Variants in ABCC1 observed in about 807,000 individuals in gnomAD.
ABCC1 encodes multidrug resistance-associated protein 1.
Under a neutral mutation model 172.9 loss-of-function variants are expected in ABCC1, and 83 were observed. That is an observed-to-expected ratio of 0.48 (90% confidence interval 0.40 to 0.58). The LOEUF (loss-of-function observed/expected upper bound fraction) is 0.58, where lower values mean the gene tolerates loss of function less well. ABCC1 is among the 20% of genes least tolerant of loss of function. ABCC1 has a pLI of 0.00. For synonymous variants in ABCC1, 937 were observed against 825.2 expected (o/e 1.14, Z -2.32); for missense variants, 1,817 against 2,002.7 (o/e 0.91, Z 1.77).
intron 1 of ABCC1, among the ~76,000 whole-genome samples, chr16:15,998,514 C>T (rs866352572): frequency 6.6e-6 from 1 of 152,094 alleles, no homozygotes; most frequent in Non-Finnish European, 1.5e-5. Context: ...GCAGGGGTGA[C>T]CCGTGTTGGC....
chr16:16,016,688 C>T (rs1484328172), intron 5 of ABCC1, 67 bp downstream of exon 5: 16 of 1,591,778 alleles, frequency 1.0e-5, no homozygotes, highest in African/African-American at 1.3e-5. Flanking sequence ...ACAGTACCAG[C>T]TAACATTTCT....
chr16:16,112,582 A>G (rs1049024292), intron 22 of ABCC1, among the ~76,000 whole-genome samples: 1 of 152,192 alleles, frequency 6.6e-6, no homozygotes, highest in Non-Finnish European at 1.5e-5. Flanking sequence ...TTGGAGATAC[A>G]GAAACTGAGG....
intron 1 of ABCC1, among the ~76,000 whole-genome samples, chr16:15,963,247 G>C (rs1016375719): frequency 1.3e-5 from 2 of 152,244 alleles, no homozygotes; most frequent in Admixed American, 1.3e-4. Flanking sequence ...GCCTTGGGCA[G>C]CTCTGCCCCT....
intron 1 of ABCC1, among the ~76,000 whole-genome samples, chr16:15,974,182 G>C (rs555236263): frequency 6.6e-6 from 1 of 152,156 alleles, no homozygotes; most frequent in Non-Finnish European, 1.5e-5. Context: ...GCCTCTTGGT[G>C]ACCACATGCT....
chr16:15,984,664 T>C (rs1277310149), intron 1 of ABCC1, among the ~76,000 whole-genome samples: 1 of 152,038 alleles, frequency 6.6e-6, no homozygotes, highest in African/African-American at 2.4e-5. Context: ...TGGGCTGGTC[T>C]CGAACCCCTG....
chr16:16,016,438 G>A, intron 4 of ABCC1, 58 bp from the exon 5 acceptor site: 38 of 1,604,896 alleles, frequency 2.4e-5, no homozygotes, highest in Non-Finnish European at 3.1e-5. Context: ...ACAGGCGTGA[G>A]CCACCACACC....
intron 1 of ABCC1, among the ~76,000 whole-genome samples, chr16:15,999,820 C>G (rs1481323020): frequency 1.8e-3 from 51 of 28,148 alleles, no homozygotes; most frequent in African/African-American, 7.8e-3. Flanking sequence ...CTCTCTCTCT[C>G]TCTCTCTCTC....
At chr16:16,048,411 C>T in intron 10 of ABCC1, 108 bp downstream of exon 10, 1 of 1,286,738 alleles carries the variant, frequency 7.8e-7, no homozygotes, top group Non-Finnish European at 1.1e-6. Flanking sequence ...AGCTCCCTGG[C>T]AGTTCCGGCT....
chr16:16,043,243 T>TTTTTCC (rs1021835519), intron 7 of ABCC1, among the ~76,000 whole-genome samples: 13 of 140,864 alleles, frequency 9.2e-5, no homozygotes, highest in African/African-American at 1.9e-4. Context: ...TTTTTTTTTT[T>TTTTTCC]CCACTGATGT....
chr16:16,104,133 A>C (rs886679865), intron 20 of ABCC1, among the ~76,000 whole-genome samples: 1 of 152,178 alleles, frequency 6.6e-6, no homozygotes, highest in African/African-American at 2.4e-5. Context: ...TACAGCTCAC[A>C]AAGGCAATGT....
chr16:15,964,826 C>T (rs2046209762), intron 1 of ABCC1, among the ~76,000 whole-genome samples: 1 of 152,142 alleles, frequency 6.6e-6, no homozygotes, highest in Admixed American at 6.5e-5. Context: ...AATATATTTT[C>T]ATCTGCATTT....
At position 16,115,089 on chromosome 16, in the gene ABCC1, G is replaced by T. The variant is rs762208877; in HGVS notation, c.3390+13G>T. ...CTTCTTCGTCCAGGTAAGGGGTGAG[G>T]TCTTAGTGTTCGGGACAAGCCCTAC... On this transcript the variant is annotated intron_variant, in intron 23 of 30. Coordinates refer to ENST00000399410, the MANE Select transcript of ABCC1 (RefSeq NM_004996.4). The T allele has an allele frequency of 3.0e-5, 49 of 1,611,280 alleles. No homozygotes were observed. Among genetic ancestry groups the T allele is most frequent in the Non-Finnish European group, 4.1e-5 (48 of 1,177,842 alleles).
intron 1 of ABCC1, among the ~76,000 whole-genome samples, chr16:15,982,147 C>G (rs1381489439): frequency 1.3e-5 from 2 of 152,198 alleles, no homozygotes; most frequent in Admixed American, 1.3e-4. Context: ...TTGCTATACT[C>G]TTCTGAGCCC....
chr16:16,035,492 A>ATTTTTTTT (rs55727520), intron 6 of ABCC1, among the ~76,000 whole-genome samples: 1 of 138,940 alleles, frequency 7.2e-6, no homozygotes, highest in Non-Finnish European at 1.6e-5. Context: ...CCTTCAGCCT[A>ATTTTTTTT]TTTTTTTTTT....
chr16:16,090,867 C>T (rs1344217003), intron 19 of ABCC1, among the ~76,000 whole-genome samples: 3 of 152,132 alleles, frequency 2.0e-5, no homozygotes, highest in Non-Finnish European at 4.4e-5. Context: ...CTTCCTGGAA[C>T]ATGACCTTGG....
chr16:15,991,577 A>G (rs2046871225), intron 1 of ABCC1, among the ~76,000 whole-genome samples: 1 of 151,882 alleles, frequency 6.6e-6, no homozygotes, highest in African/African-American at 2.4e-5. Flanking sequence ...GGCCATCAAC[A>G]TTCATTAGGT....
At chr16:15,993,640 G>C (rs1309316841) in intron 1 of ABCC1, among the ~76,000 whole-genome samples, 1 of 151,704 alleles carries the variant, frequency 6.6e-6, no homozygotes, top group Non-Finnish European at 1.5e-5. Context: ...AATACCAGCG[G>C]TTCTGAGGTT....
intron 19 of ABCC1, among the ~76,000 whole-genome samples, chr16:16,092,419 A>G (rs2051291543): frequency 1.3e-5 from 2 of 152,136 alleles, no homozygotes; most frequent in Non-Finnish European, 2.9e-5. Context: ...CTAGGCAACC[A>G]CTAATCTTTC....
At chr16:16,007,240 G>T (rs1017569857) in intron 1 of ABCC1, among the ~76,000 whole-genome samples, 2 of 151,810 alleles carry the variant, frequency 1.3e-5, no homozygotes, top group African/African-American at 2.4e-5. Flanking sequence ...GTGTGTGTGT[G>T]TGTGAGAGAC....
Sources: gnomAD v4.1 joint callset for allele counts (sites outside exome capture counted in the v4.1 genomes callset) on GRCh38, gnomAD v4.1.1 for gene constraint, MANE v1.5 for transcripts, NCBI Gene and HGNC (gene_info 2026-07-23, HGNC 2026-07-21) for gene names.